HECW2: variants seen among roughly 807,000 people sequenced by gnomAD.
The protein encoded by HECW2 is E3 ubiquitin-protein ligase HECW2.
HECW2 carries 61 observed loss-of-function variants against 175.2 expected under a neutral mutation model. The ratio of observed to expected loss-of-function variants is 0.35; its 90% CI spans 0.28 to 0.43. The LOEUF (loss-of-function observed/expected upper bound fraction) is 0.43, where lower values mean the gene tolerates loss of function less well. Ranked by LOEUF, HECW2 falls within the 20% of genes least tolerant of loss-of-function variation. The pLI, the probability that HECW2 is intolerant of heterozygous loss-of-function variation, is 1.00. For synonymous variants in HECW2, 671 were observed against 731.0 expected (o/e 0.92, Z 1.32); for missense variants, 1,524 against 2,000.5 (o/e 0.76, Z 4.54).
intron 1 of HECW2, among the ~76,000 whole-genome samples, chr2:196,552,279 C>T (rs1689625642): frequency 6.6e-6 from 1 of 152,202 alleles, no homozygotes; most frequent in South Asian, 2.1e-4. Flanking sequence ...GCTGACCAAT[C>T]AGGTTTGTGT....
intron 1 of HECW2, among the ~76,000 whole-genome samples, chr2:196,569,371 C>CTAAACTAAACTAAACTAAAA (rs375827600): frequency 0.055 from 7,946 of 144,082 alleles, 236 homozygotes; most frequent in Non-Finnish European, 0.064. Flanking sequence ...CTAAACTAAA[C>CTAAACTAAACTAAACTAAAA]TAAAATAAAA....
chr2:196,259,614 G>C (rs990858739), intron 17 of HECW2, among the ~76,000 whole-genome samples: 1 of 152,112 alleles, frequency 6.6e-6, no homozygotes, highest in African/African-American at 2.4e-5. Flanking sequence ...GTACGTAAAG[G>C]AGTTGCTCAG....
chr2:196,297,436 C>T (rs1297081871), intron 13 of HECW2, among the ~76,000 whole-genome samples: 1 of 152,196 alleles, frequency 6.6e-6, no homozygotes, highest in Non-Finnish European at 1.5e-5. Flanking sequence ...AAGTAAATGT[C>T]ATTGCCATTT....
At position 196,197,910 on chromosome 2, in the gene HECW2, A is replaced by G. The variant is rs1327560000; in HGVS notation, c.*3367T>C. 1 of 152,206 alleles carries G rather than the reference A, an allele frequency of 6.6e-6. No individual in the cohort carries two copies. The highest frequency in any genetic ancestry group is 1.9e-4 in the East Asian group (1 of 5,198). The allele number at this position is 152,206 out of a possible 1,614,324, so 9.4% of individuals were successfully genotyped here. A position where few individuals can be genotyped will look rare whatever the true frequency, so the allele number is the denominator to read the frequency against. On this transcript the variant is annotated 3_prime_UTR_variant, in exon 29 of 29. Coordinates refer to ENST00000644978, the MANE Select transcript of HECW2 (RefSeq NM_001348768.2). The stretch of plus-strand genomic sequence containing the variant: ...CCATTTCTTTCAAACACTTGAATGC[A>G]TTTTTACCATTTCTGATTGTTGCAC...
chr2:196,473,788 G>A (rs1034976177), intron 1 of HECW2, among the ~76,000 whole-genome samples: 2 of 152,210 alleles, frequency 1.3e-5, no homozygotes, highest in Admixed American at 6.5e-5. Context: ...AGCCCACGTG[G>A]GAACAGGACA....
At chr2:196,426,373 A>T (rs1308834655) in intron 2 of HECW2, among the ~76,000 whole-genome samples, 1 of 152,124 alleles carries the variant, frequency 6.6e-6, no homozygotes, top group Non-Finnish European at 1.5e-5. Flanking sequence ...TACAGTGTGT[A>T]AGGGTTCCCT....
chr2:196,384,055 C>T (rs1694281289), intron 2 of HECW2, among the ~76,000 whole-genome samples: 1 of 152,116 alleles, frequency 6.6e-6, no homozygotes, highest in South Asian at 2.1e-4. Flanking sequence ...CATTCAGATG[C>T]TATTATATTT....
intron 2 of HECW2, among the ~76,000 whole-genome samples, chr2:196,394,169 G>A (rs1694594938): frequency 6.6e-6 from 1 of 151,058 alleles, no homozygotes; most frequent in Admixed American, 6.6e-5. Flanking sequence ...GGAGAGGGGG[G>A]AGGGATAGCA....
In HECW2 at chr2:196,231,368, T is replaced by C. The variant is rs1446932037; in HGVS notation, c.3765-3114A>G. ...GGTGCCCTGACCCCAAGTTTAATGC[T>C]TGTTACTTCTTACAGCCTACCCTTC... On this transcript the variant is annotated intron_variant, in intron 21 of 28. Transcript: ENST00000644978. Among the ~76,000 whole-genome samples the C allele has an allele frequency of 3.3e-5, 5 of 152,294 alleles. No homozygotes were observed. In the South Asian group the frequency reaches 8.3e-4, roughly 25 times the overall value.
chr2:196,333,409 G>C (rs1049399786), intron 4 of HECW2, among the ~76,000 whole-genome samples: 2 of 152,138 alleles, frequency 1.3e-5, no homozygotes, highest in Admixed American at 6.5e-5. Context: ...AGCATAGGGT[G>C]AGTCTGAACA....
intron 2 of HECW2, among the ~76,000 whole-genome samples, chr2:196,382,215 A>ATG (rs59201871): frequency 1.3e-5 from 2 of 148,386 alleles, no homozygotes; most frequent in African/African-American, 5.0e-5. Context: ...TACATATAGT[A>ATG]TGTGTGTGTG....
intron 14 of HECW2, 78 bp downstream of exon 14, chr2:196,292,487 G>T: frequency 8.1e-7 from 1 of 1,241,886 alleles, no homozygotes; most frequent in Non-Finnish European, 1.2e-6. Flanking sequence ...GCCCTCACTT[G>T]AAGGGTAGGG....
chr2:196,374,889 G>A (rs1694006463), intron 2 of HECW2, among the ~76,000 whole-genome samples: 1 of 151,692 alleles, frequency 6.6e-6, no homozygotes, highest in African/African-American at 2.4e-5. Flanking sequence ...TTGGCCGGGC[G>A]CAGTGGCTCA....
At chr2:196,252,674 C>G (rs1392851993) in intron 19 of HECW2, among the ~76,000 whole-genome samples, 2 of 152,222 alleles carry the variant, frequency 1.3e-5, no homozygotes, top group African/African-American at 4.8e-5. Flanking sequence ...ATTGTACAGT[C>G]TGCAAAACCA....
At chr2:196,539,526 T>A (rs2125463358) in intron 1 of HECW2, among the ~76,000 whole-genome samples, 1 of 152,098 alleles carries the variant, frequency 6.6e-6, no homozygotes, top group East Asian at 1.9e-4. Context: ...TACCAGCTAC[T>A]CAGGAGGCTG....
intron 14 of HECW2, among the ~76,000 whole-genome samples, chr2:196,283,539 A>G (rs1448077961): frequency 6.6e-6 from 1 of 151,646 alleles, no homozygotes; most frequent in Non-Finnish European, 1.5e-5. Flanking sequence ...CCACGCTACC[A>G]CACCTAATTT....
intron 1 of HECW2, among the ~76,000 whole-genome samples, chr2:196,450,248 T>C (rs1048003727): frequency 2.0e-5 from 3 of 152,096 alleles, no homozygotes; most frequent in African/African-American, 7.2e-5. Flanking sequence ...AGATAATAGG[T>C]GAAGCAGAAG....
chr2:196,329,765 A>G, intron 4 of HECW2, 115 bp from the exon 5 acceptor site: 2 of 746,640 alleles, frequency 2.7e-6, no homozygotes, highest in Non-Finnish European at 4.6e-6. Context: ...CGGGTATTGT[A>G]TCATGTGTCC....
At chr2:196,454,267 G>A (rs1298403760) in intron 1 of HECW2, among the ~76,000 whole-genome samples, 2 of 152,138 alleles carry the variant, frequency 1.3e-5, no homozygotes, top group African/African-American at 4.8e-5. Context: ...TAGCCACTTT[G>A]ATGTATAAAT....
Sources: gnomAD v4.1 joint callset for allele counts (sites outside exome capture counted in the v4.1 genomes callset) on GRCh38, gnomAD v4.1.1 for gene constraint, MANE v1.5 for transcripts, NCBI Gene and HGNC (gene_info 2026-07-23, HGNC 2026-07-21) for gene names.